NRG1: variants seen among roughly 807,000 people sequenced by gnomAD.
NRG1 encodes neuregulin 1.
NRG1 carries 18 observed loss-of-function variants against 63.8 expected under a neutral mutation model. The ratio of observed to expected loss-of-function variants is 0.28; its 90% CI spans 0.19 to 0.42. The LOEUF (loss-of-function observed/expected upper bound fraction) is 0.42. NRG1 is among the 10% of genes least tolerant of loss of function. The probability of loss-of-function intolerance (pLI) is 1.00; values close to 1 mark genes in which losing one functional copy is unlikely to be tolerated. For synonymous variants in NRG1, 302 were observed against 301.3 expected (o/e 1.00, Z -0.02); for missense variants, 762 against 814.7 (o/e 0.94, Z 0.79).
At chr8:32,333,082 G>A (rs1391429379) in intron 1 of NRG1, among the ~76,000 whole-genome samples, 1 of 152,012 alleles carries the variant, frequency 6.6e-6, no homozygotes, top group Non-Finnish European at 1.5e-5. Flanking sequence ...TTTTAAAGAA[G>A]GATGGACATC....
At chr8:32,337,099 T>A (rs530385909) in intron 1 of NRG1, among the ~76,000 whole-genome samples, 84 of 152,248 alleles carry the variant, frequency 5.5e-4, no homozygotes, top group African/African-American at 1.9e-3. Context: ...AATCTCAAAC[T>A]CCTGTGCTCA....
At chr8:32,218,062 A>T (rs1374764421) in intron 1 of NRG1, among the ~76,000 whole-genome samples, 5 of 152,230 alleles carry the variant, frequency 3.3e-5, no homozygotes, top group Non-Finnish European at 7.3e-5. Flanking sequence ...TAGTTATCTT[A>T]AACGGTGAAG....
At chr8:32,382,992 C>A (rs1810538157) in intron 1 of NRG1, among the ~76,000 whole-genome samples, 1 of 151,206 alleles carries the variant, frequency 6.6e-6, no homozygotes, top group Non-Finnish European at 1.5e-5. Flanking sequence ...AAGACTGAGG[C>A]AGGAGGATCA....
At chr8:32,166,302 C>A (rs1375243791) in intron 1 of NRG1, among the ~76,000 whole-genome samples, 3 of 152,090 alleles carry the variant, frequency 2.0e-5, no homozygotes, top group Admixed American at 2.0e-4. Flanking sequence ...CAGCTCACAA[C>A]TGGAAATAGA....
At position 32,532,332 on chromosome 8, in the gene NRG1, C is replaced by CT. The variant is rs374025511; in HGVS notation, c.38-63495dup. On this transcript the variant is annotated intron_variant, in intron 1 of 10. Transcript: ENST00000519301. ...TCTGCCTGATTAAAGCTAGTATGTG[C>CT]TATAAGTGTTTTCAAAATACTTTTT... is the stretch of plus-strand genomic sequence containing the variant. 9.9e-3 allele frequency among the ~76,000 whole-genome samples: 1,501 copies of CT among 152,258 alleles called. 25 individuals are homozygous for CT. The highest frequency in any genetic ancestry group is 0.034 in the African/African-American group (1,420 of 41,556).
chr8:32,284,864 T>TAA (rs1853340448), intron 1 of NRG1, among the ~76,000 whole-genome samples: 1 of 152,126 alleles, frequency 6.6e-6, no homozygotes, highest in South Asian at 2.1e-4. Flanking sequence ...ATTTTTTCTT[T>TAA]AACAATGCCC....
chr8:32,150,192 A>G (rs939641258), intron 1 of NRG1, among the ~76,000 whole-genome samples: 1 of 50,742 alleles, frequency 2.0e-5, no homozygotes, highest in African/African-American at 4.1e-5. Context: ...ACATGAAGGG[A>G]AAAAAAACCC....
Position 32,510,116 on chromosome 8 carries a change from A to ATCATC in NRG1, c.38-85712_38-85711insTCATC, listed in dbSNP as rs1554566643. ...AGACAAAAATAATAATAATAATAAT[A>ATCATC]ATAATAATAATCATAAAAGCAAGGG... On this transcript the variant is annotated intron_variant, in intron 1 of 10. Transcript: ENST00000519301. 3.8e-3 allele frequency among the ~76,000 whole-genome samples: 461 copies of ATCATC among 120,270 alleles called. 5 individuals are homozygous for ATCATC. The highest frequency in any genetic ancestry group is 2.0e-3 in the African/African-American group (68 of 34,840). 78.9% of individuals were successfully genotyped at this position (120,270 alleles called of 152,430 possible). A position where few individuals can be genotyped will look rare whatever the true frequency, so the allele number is the denominator to read the frequency against.
At chr8:31,760,246 C>A (rs1044768781) in intron 1 of NRG1, among the ~76,000 whole-genome samples, 5 of 152,088 alleles carry the variant, frequency 3.3e-5, no homozygotes, top group Non-Finnish European at 7.4e-5. Flanking sequence ...AGGAAGGGAT[C>A]CAGTTTCAGC....
At chr8:32,019,011 A>G (rs550830287) in intron 1 of NRG1, among the ~76,000 whole-genome samples, 1 of 152,316 alleles carries the variant, frequency 6.6e-6, no homozygotes, top group African/African-American at 2.4e-5. Context: ...ATAGGCCTCA[A>G]CTGTTTGAAT....
intron 5 of NRG1, among the ~76,000 whole-genome samples, chr8:32,715,011 T>G (rs953225064): frequency 1.3e-5 from 2 of 152,188 alleles, no homozygotes; most frequent in Non-Finnish European, 2.9e-5. Flanking sequence ...TCTTGCTCTG[T>G]TGCCCAGGCT....
exon 12 of NRG1, chr8:32,763,883 C>A: frequency 6.2e-7 from 1 of 1,614,106 alleles, no homozygotes; most frequent in Non-Finnish European, 8.5e-7. Flanking sequence ...CCATGGCGGT[C>A]AGCCCCTTCA....
At chr8:32,232,841 C>T (rs1346029019) in intron 1 of NRG1, among the ~76,000 whole-genome samples, 1 of 151,968 alleles carries the variant, frequency 6.6e-6, no homozygotes, top group African/African-American at 2.4e-5. Context: ...ACTTTTTTCC[C>T]CAAAAAGCTG....
Position 32,763,693 on chromosome 8 carries a change from T to G in NRG1, c.1260-55T>G, listed in dbSNP as rs1831111875. ...GTGAACTCTGTCCCCTTACCTTCCC[T>G]GCTATGTGCCTCTTATTGCACCACA... On this transcript the variant is annotated intron_variant, in intron 11 of 11. Transcript: ENST00000356819. 4 of 1,487,956 alleles carry G rather than the reference T, an allele frequency of 2.7e-6. No individual in the cohort carries two copies. In the Admixed American group the frequency reaches 6.9e-5, roughly 26 times the overall value. 92.2% of individuals were successfully genotyped at this position (1,487,956 alleles called of 1,614,324 possible). A position where few individuals can be genotyped will look rare whatever the true frequency, so the allele number is the denominator to read the frequency against.
intron 1 of NRG1, among the ~76,000 whole-genome samples, chr8:32,264,844 T>C (rs2129471922): frequency 6.7e-6 from 1 of 150,020 alleles, no homozygotes; most frequent in African/African-American, 2.4e-5. Flanking sequence ...AAGATACGGT[T>C]TGGAAAGACT....
chr8:32,157,111 C>A (rs1357454330), intron 1 of NRG1, among the ~76,000 whole-genome samples: 1 of 148,000 alleles, frequency 6.8e-6, no homozygotes, highest in Non-Finnish European at 1.5e-5. Flanking sequence ...TGGCTCATAC[C>A]TGTAATCCCA....
intron 1 of NRG1, among the ~76,000 whole-genome samples, chr8:31,676,721 A>G (rs550018549): frequency 5.3e-5 from 8 of 152,334 alleles, no homozygotes; most frequent in Admixed American, 1.3e-4. Context: ...GCCAGGTTTC[A>G]AATTTTAGCT....
intron 1 of NRG1, among the ~76,000 whole-genome samples, chr8:31,714,254 G>A (rs1044308219): frequency 1.3e-5 from 2 of 151,944 alleles, no homozygotes; most frequent in Non-Finnish European, 2.9e-5. Context: ...CAAGTGGAAG[G>A]TTATTTATTC....
At chr8:32,409,640 A>G (rs559088344) in intron 1 of NRG1, among the ~76,000 whole-genome samples, 1 of 152,332 alleles carries the variant, frequency 6.6e-6, no homozygotes, top group South Asian at 2.1e-4. Flanking sequence ...GAAAATGAAC[A>G]GAGCAGGTAC....
Sources: gnomAD v4.1 joint callset for allele counts (sites outside exome capture counted in the v4.1 genomes callset) on GRCh38, gnomAD v4.1.1 for gene constraint, MANE v1.5 for transcripts, NCBI Gene and HGNC (gene_info 2026-07-23, HGNC 2026-07-21) for gene names.